FMN2: variants seen among roughly 807,000 people sequenced by gnomAD.
FMN2 encodes formin-2.
A neutral mutation model predicts 142.3 loss-of-function variants in FMN2; 51 were observed. The observed-to-expected ratio is 0.36, with a 90% CI of 0.29 to 0.45. FMN2 has a LOEUF of 0.45. FMN2 is among the 20% of genes least tolerant of loss of function. The pLI is 1.00. For synonymous variants in FMN2, 882 were observed against 869.8 expected, an observed-to-expected ratio of 1.01 and a Z score of -0.25; for missense variants, 1,936 against 2,122.8, an observed-to-expected ratio of 0.91 and a Z score of 1.73.
Position 240,325,012 on chromosome 1 carries a change from C to G in FMN2, c.4216-4064C>G, listed in dbSNP as rs535659261. On this transcript the variant is annotated intron_variant, in intron 8 of 17. Transcript: ENST00000319653. The stretch of plus-strand genomic sequence containing the variant: ...TGCATGGATTCAGGTGTACCACTAC[C>G]ATCTTTGTGCATGTCAATCATCGCT... 8.5e-5 allele frequency among the ~76,000 whole-genome samples: 13 copies of G among 152,136 alleles called. No individual in the cohort carries two copies. The East Asian group carries it at 2.5e-3, about 29-fold the overall frequency.
chr1:240,266,390 T>C (rs1158073312), intron 7 of FMN2, among the ~76,000 whole-genome samples: 2 of 152,064 alleles, frequency 1.3e-5, no homozygotes, highest in Non-Finnish European at 2.9e-5. Context: ...TTATTGAAGA[T>C]TGGATGACGG....
chr1:240,104,753 A>T (rs1319055562), intron 1 of FMN2, among the ~76,000 whole-genome samples: 1 of 152,132 alleles, frequency 6.6e-6, no homozygotes, highest in African/African-American at 2.4e-5. Context: ...TCCCACTGTT[A>T]TATACTATTC....
At chr1:240,126,925 G>A (rs1662534311) in intron 2 of FMN2, among the ~76,000 whole-genome samples, 1 of 152,104 alleles carries the variant, frequency 6.6e-6, no homozygotes, top group Admixed American at 6.5e-5. Flanking sequence ...TGGCGTGGGG[G>A]TAGGATGAGC....
intron 16 of FMN2, among the ~76,000 whole-genome samples, chr1:240,464,330 A>G (rs906025033): frequency 5.3e-5 from 8 of 151,506 alleles, no homozygotes; most frequent in African/African-American, 1.7e-4. Context: ...TGCATCTTAT[A>G]GAATCTTTGA....
At chr1:240,323,940 C>T (rs1671065986) in intron 8 of FMN2, among the ~76,000 whole-genome samples, 1 of 152,174 alleles carries the variant, frequency 6.6e-6, no homozygotes, top group South Asian at 2.1e-4. Context: ...TCCGAATGTT[C>T]CAAGTTCTCT....
chr1:240,253,923 T>C (rs1046502615), intron 6 of FMN2, among the ~76,000 whole-genome samples: 1 of 152,108 alleles, frequency 6.6e-6, no homozygotes, highest in Non-Finnish European at 1.5e-5. Flanking sequence ...GTGGAGGTCA[T>C]GGTAAAGTTT....
intron 14 of FMN2, among the ~76,000 whole-genome samples, chr1:240,372,461 A>T (rs1377296193): frequency 6.6e-6 from 1 of 151,832 alleles, no homozygotes; most frequent in African/African-American, 2.4e-5. Flanking sequence ...TCCTCCAATG[A>T]TTTCTTATTT....
chr1:240,325,979 G>A (rs182893643), intron 8 of FMN2, among the ~76,000 whole-genome samples: 1 of 152,030 alleles, frequency 6.6e-6, no homozygotes. Context: ...TTACATATTG[G>A]TGAGTCAATG....
chr1:240,317,084 A>T (rs1670809350), intron 8 of FMN2, among the ~76,000 whole-genome samples: 1 of 152,118 alleles, frequency 6.6e-6, no homozygotes, highest in Non-Finnish European at 1.5e-5. Context: ...AGGCGGGCTG[A>T]TCACGAGGTC....
At chr1:240,236,771 C>A (rs1406163208) in intron 6 of FMN2, among the ~76,000 whole-genome samples, 1 of 152,188 alleles carries the variant, frequency 6.6e-6, no homozygotes, top group Non-Finnish European at 1.5e-5. Flanking sequence ...CATGAGCGAT[C>A]CTCTCCCATG....
intron 2 of FMN2, among the ~76,000 whole-genome samples, chr1:240,123,580 T>G (rs529133576): frequency 1.1e-4 from 17 of 151,804 alleles, no homozygotes; most frequent in African/African-American, 4.1e-4. Context: ...TCTTGACAGA[T>G]GGTCACTCAA....
At chr1:240,245,636 T>C in intron 6 of FMN2, 1 of 470,206 alleles carries the variant, frequency 2.1e-6, no homozygotes, top group East Asian at 7.0e-5. Flanking sequence ...TGATGTGTAG[T>C]AGGGGTATTA....
chr1:240,317,806 G>A lies in FMN2; in HGVS notation c.4216-11270G>A, dbSNP rs375181214. ...TGTGTTACAAGTTGTGTATATTTAC[G>A]TTTTAAGAAACTGACAAACTGTTTT... On this transcript the variant is annotated intron_variant, in intron 8 of 17. Transcript: ENST00000319653. Among the ~76,000 whole-genome samples the A allele has an allele frequency of 5.8e-4, 89 of 152,198 alleles. No homozygotes were observed. The East Asian group carries it at 0.012, about 20-fold the overall frequency.
chr1:240,270,501 G>A (rs745438140), intron 7 of FMN2, among the ~76,000 whole-genome samples: 1 of 151,988 alleles, frequency 6.6e-6, no homozygotes, highest in Non-Finnish European at 1.5e-5. Flanking sequence ...GGCTTCAGTA[G>A]TACTGCAACA....
chr1:240,160,199 C>T (rs977850727), intron 2 of FMN2, among the ~76,000 whole-genome samples: 1 of 150,732 alleles, frequency 6.6e-6, no homozygotes, highest in African/African-American at 2.4e-5. Context: ...CACTGCCCAG[C>T]TTATTTTATG....
chr1:240,266,137 C>T (rs1668793681), intron 7 of FMN2, among the ~76,000 whole-genome samples: 1 of 151,474 alleles, frequency 6.6e-6, no homozygotes, highest in Non-Finnish European at 1.5e-5. Flanking sequence ...TCCTCTCACC[C>T]AGGTACTAAG....
At chr1:240,438,009 T>C (rs1339389538) in intron 15 of FMN2, 52 bp from the exon 16 acceptor site, 2 of 1,575,620 alleles carry the variant, frequency 1.3e-6, no homozygotes, top group African/African-American at 2.7e-5. Flanking sequence ...GAATATCCCA[T>C]ATTGGAAAGT....
intron 1 of FMN2, among the ~76,000 whole-genome samples, chr1:240,107,189 G>A (rs1178748524): frequency 2.0e-5 from 3 of 152,048 alleles, no homozygotes; most frequent in Non-Finnish European, 4.4e-5. Flanking sequence ...GTTGGCATGC[G>A]TGGTCTTGAG....
intron 4 of FMN2, among the ~76,000 whole-genome samples, chr1:240,189,975 G>T (rs548701823): frequency 6.6e-6 from 1 of 152,208 alleles, no homozygotes; most frequent in African/African-American, 2.4e-5. Context: ...TGAATCAATT[G>T]TTACATACGA....
Sources: allele counts gnomAD v4.1 joint callset (sites outside exome capture counted in the v4.1 genomes callset), GRCh38; gene constraint gnomAD v4.1.1; transcripts MANE v1.5; gene names NCBI Gene and HGNC (gene_info 2026-07-23, HGNC 2026-07-21).